The following PRKAG2 variants were observed in gnomAD, a reference collection of about 807,000 sequenced individuals.
PRKAG2 encodes 5'-AMP-activated protein kinase subunit gamma-2.
In PRKAG2, 26 loss-of-function variants were observed where a neutral mutation model predicts 69.6. That is an observed-to-expected ratio of 0.37 (90% CI 0.27 to 0.52). The LOEUF is 0.52. PRKAG2 is among the 20% of genes least tolerant of loss of function. The probability of loss-of-function intolerance (pLI) is 0.90; values close to 1 mark genes in which losing one functional copy is unlikely to be tolerated. For missense variants in PRKAG2, 557 were observed against 740.0 expected (o/e 0.75, Z 2.87); for synonymous variants, 293 against 285.0 (o/e 1.03, Z -0.28).
intron 3 of PRKAG2, among the ~76,000 whole-genome samples, chr7:151,742,691 A>AC (rs1401312161): frequency 2.0e-5 from 3 of 152,122 alleles, no homozygotes; most frequent in African/African-American, 7.2e-5. Flanking sequence ...CGCAACACAG[A>AC]CCAGACGAGT....
intron 5 of PRKAG2, among the ~76,000 whole-genome samples, chr7:151,604,082 C>T (rs923905625): frequency 1.3e-5 from 2 of 152,130 alleles, no homozygotes; most frequent in African/African-American, 4.8e-5. Context: ...CCAAGCCTGC[C>T]ATGGCTTAGA....
At chr7:151,745,485 C>T (rs2074220814) in intron 3 of PRKAG2, among the ~76,000 whole-genome samples, 4 of 152,184 alleles carry the variant, frequency 2.6e-5, no homozygotes, top group South Asian at 4.1e-4. Context: ...CAAGCCCCCA[C>T]GCCTCTGTTC....
intron 6 of PRKAG2, among the ~76,000 whole-genome samples, chr7:151,586,052 C>G (rs1399856789): frequency 6.6e-6 from 1 of 152,202 alleles, no homozygotes; most frequent in Non-Finnish European, 1.5e-5. Context: ...TCCCACTGCC[C>G]CTGCACAGAG....
intron 4 of PRKAG2, among the ~76,000 whole-genome samples, chr7:151,651,275 G>C (rs1828448514): frequency 6.6e-6 from 1 of 152,134 alleles, no homozygotes; most frequent in South Asian, 2.1e-4. Context: ...CTAATGCATG[G>C]TATTATAAAA....
intron 2 of PRKAG2, among the ~76,000 whole-genome samples, chr7:151,784,598 C>G (rs1212487453): frequency 6.6e-6 from 1 of 152,100 alleles, no homozygotes; most frequent in Non-Finnish European, 1.5e-5. Context: ...AGCACAGAGA[C>G]AGAGGGCCGG....
At chr7:151,619,755 T>C (rs4725414) in intron 5 of PRKAG2, among the ~76,000 whole-genome samples, 3,267 of 152,310 alleles carry the variant, frequency 0.021, 106 homozygotes, top group African/African-American at 0.073. Flanking sequence ...CGGTGGCTCA[T>C]GCCTGTGAAA....
At chr7:151,656,439 C>G (rs1470081306) in intron 4 of PRKAG2, among the ~76,000 whole-genome samples, 2 of 152,010 alleles carry the variant, frequency 1.3e-5, no homozygotes, top group Non-Finnish European at 2.9e-5. Context: ...ACCTGTAATC[C>G]CAGCTACTCG....
At chr7:151,601,620 GA>G (rs1222629489) in intron 5 of PRKAG2, among the ~76,000 whole-genome samples, 22 of 152,164 alleles carry the variant, frequency 1.4e-4, no homozygotes, top group Middle Eastern at 6.8e-3. Flanking sequence ...CTCGTGGGAG[GA>G]CCACTCCTGC....
rs370236164 is a variant in PRKAG2, at chr7:151,747,386, G to C, written c.466+33766C>G. On this transcript the variant is annotated intron_variant, in intron 3 of 15. Coordinates refer to ENST00000287878, the MANE Select transcript of PRKAG2 (RefSeq NM_016203.4). Reference sequence around the variant, plus strand: ...AGCCTGGCCAACATGGTGAAACTCCGTCTCTACTAAAAATACAAAAATTAG... The same window carrying C: ...AGCCTGGCCAACATGGTGAAACTCCCTCTCTACTAAAAATACAAAAATTAG... Among the ~76,000 whole-genome samples the C allele has an allele frequency of 1.2e-4, 18 of 152,188 alleles. No homozygotes were observed. The East Asian group carries it at 2.1e-3, about 18-fold the overall frequency.
chr7:151,762,632 C>T (rs1371194292), intron 3 of PRKAG2, among the ~76,000 whole-genome samples: 9 of 152,188 alleles, frequency 5.9e-5, no homozygotes, highest in Admixed American at 1.3e-4. Context: ...CCACGCACAT[C>T]GACCAGCACC....
intron 1 of PRKAG2, among the ~76,000 whole-genome samples, chr7:151,805,213 G>A (rs1014574797): frequency 6.6e-6 from 1 of 152,182 alleles, no homozygotes; most frequent in Non-Finnish European, 1.5e-5. Context: ...TGTAATGTCT[G>A]CCGCGGGTGA....
At chr7:151,648,220 C>A (rs1390383511) in intron 4 of PRKAG2, among the ~76,000 whole-genome samples, 1 of 152,102 alleles carries the variant, frequency 6.6e-6, no homozygotes, top group African/African-American at 2.4e-5. Flanking sequence ...TCTATCATAT[C>A]CCCATACAAC....
At chr7:151,597,606 T>A (rs1432638433) in intron 5 of PRKAG2, among the ~76,000 whole-genome samples, 1 of 151,980 alleles carries the variant, frequency 6.6e-6, no homozygotes, top group South Asian at 2.1e-4. Context: ...ATAATCTGAT[T>A]AAAAAATGGG....
intron 5 of PRKAG2, among the ~76,000 whole-genome samples, chr7:151,622,501 G>C (rs936674227): frequency 1.3e-5 from 2 of 152,208 alleles, no homozygotes; most frequent in Non-Finnish European, 2.9e-5. Flanking sequence ...CAGGTAGCAA[G>C]CCAGTGTTCA....
intron 5 of PRKAG2, among the ~76,000 whole-genome samples, chr7:151,624,165 TGTA>T (rs1822258340): frequency 7.5e-6 from 1 of 133,250 alleles, no homozygotes. Flanking sequence ...TGTGTGTGTG[TGTA>T]CATATATATA....
At chr7:151,672,103 T>TA (rs1042705366) in intron 4 of PRKAG2, among the ~76,000 whole-genome samples, 5 of 151,680 alleles carry the variant, frequency 3.3e-5, no homozygotes, top group African/African-American at 1.2e-4. Context: ...CGGCCACCAT[T>TA]TGAACTATTT....
intron 3 of PRKAG2, among the ~76,000 whole-genome samples, chr7:151,764,198 G>A (rs534482559): frequency 7.9e-5 from 12 of 152,312 alleles, no homozygotes; most frequent in African/African-American, 2.9e-4. Context: ...TAAAAGTGGT[G>A]ATGGAAACAT....
intron 6 of PRKAG2, among the ~76,000 whole-genome samples, chr7:151,590,673 G>A (rs959062931): frequency 1.3e-5 from 2 of 152,204 alleles, no homozygotes; most frequent in East Asian, 3.9e-4. Context: ...CTGTAACTGG[G>A]GACAGGTTTC....
At chr7:151,641,685 C>T (rs1226207369) in intron 4 of PRKAG2, among the ~76,000 whole-genome samples, 1 of 150,714 alleles carries the variant, frequency 6.6e-6, no homozygotes, top group East Asian at 2.0e-4. Context: ...CCTGGGAGTG[C>T]CAGCACGTGC....
Sources: allele counts gnomAD v4.1 joint callset (sites outside exome capture counted in the v4.1 genomes callset), GRCh38; gene constraint gnomAD v4.1.1; transcripts MANE v1.5; gene names NCBI Gene and HGNC (gene_info 2026-07-23, HGNC 2026-07-21).